The following CPED1 variants were observed in gnomAD, a reference collection of about 807,000 sequenced individuals.
The protein encoded by CPED1 is cadherin-like and PC-esterase domain-containing protein 1.
Under a neutral mutation model 128.2 loss-of-function variants are expected in CPED1, and 114 were observed. The observed-to-expected ratio is 0.89, with a 90% CI of 0.76 to 1.04. The LOEUF (loss-of-function observed/expected upper bound fraction) is 1.04. Among genes scored for constraint, CPED1 ranks in the 50% least tolerant of loss-of-function variants. The pLI is 0.00. For missense variants in CPED1, 1,211 were observed against 1,207.1 expected (o/e 1.00, Z -0.05); for synonymous variants, 462 against 426.7 (o/e 1.08, Z -1.02).
chr7:121,189,793 TATATAA>T (rs201904535), intron 16 of CPED1, among the ~76,000 whole-genome samples: 8,400 of 73,218 alleles, frequency 0.11, 690 homozygotes, highest in East Asian at 0.5. Context: ...TATATATATA[TATATAA>T]AATTTGTATT....
At chr7:121,225,986 C>G (rs1798000074) in intron 16 of CPED1, among the ~76,000 whole-genome samples, 2 of 152,070 alleles carry the variant, frequency 1.3e-5, no homozygotes, top group Non-Finnish European at 2.9e-5. Context: ...TCTGTCAACT[C>G]ATTAAAGTCA....
chr7:121,007,231 A>ATTTTTTTTTT (rs398006038), intron 2 of CPED1, among the ~76,000 whole-genome samples: 7 of 129,824 alleles, frequency 5.4e-5, no homozygotes, highest in Non-Finnish European at 8.0e-5. Context: ...TTCAGGTTGC[A>ATTTTTTTTTT]TTTTTTTTTT....
At chr7:121,010,239 A>T (rs1372581668) in intron 2 of CPED1, among the ~76,000 whole-genome samples, 3 of 152,028 alleles carry the variant, frequency 2.0e-5, no homozygotes, top group African/African-American at 7.2e-5. Flanking sequence ...TCTATTGGGA[A>T]TACATTTTTT....
intron 16 of CPED1, among the ~76,000 whole-genome samples, chr7:121,231,499 G>T (rs974132690): frequency 3.3e-4 from 50 of 152,180 alleles, no homozygotes; most frequent in African/African-American, 1.2e-3. Flanking sequence ...TTCCAACTAG[G>T]ATAATAGAAC....
chr7:121,184,683 G>C (rs1796966337), intron 16 of CPED1, among the ~76,000 whole-genome samples: 1 of 152,108 alleles, frequency 6.6e-6, no homozygotes, highest in Non-Finnish European at 1.5e-5. Flanking sequence ...AATAAAAATA[G>C]AGTAAGAACT....
At chr7:121,137,864 C>T (rs1795818106) in intron 14 of CPED1, among the ~76,000 whole-genome samples, 1 of 152,014 alleles carries the variant, frequency 6.6e-6, no homozygotes. Context: ...CTGTGCCAGG[C>T]CCAAGGCAAG....
chr7:121,232,071 A>G (rs1027399192), intron 16 of CPED1, among the ~76,000 whole-genome samples: 2 of 152,092 alleles, frequency 1.3e-5, no homozygotes, highest in Non-Finnish European at 2.9e-5. Context: ...GGGTAACACA[A>G]TGGAATAATG....
chr7:120,994,886 G>A (rs1390463586), intron 2 of CPED1, among the ~76,000 whole-genome samples: 1 of 152,130 alleles, frequency 6.6e-6, no homozygotes, highest in Non-Finnish European at 1.5e-5. Flanking sequence ...TAGAATTGAA[G>A]GCAGGAAGAC....
intron 16 of CPED1, among the ~76,000 whole-genome samples, chr7:121,217,693 A>G (rs1404268): frequency 0.59 from 89,613 of 151,882 alleles, 27,123 homozygotes; most frequent in East Asian, 0.88. Flanking sequence ...AGTTAACACA[A>G]TGATTCATTC....
chr7:121,006,264 T>A (rs1792012537), intron 2 of CPED1, among the ~76,000 whole-genome samples: 1 of 152,090 alleles, frequency 6.6e-6, no homozygotes, highest in Non-Finnish European at 1.5e-5. Flanking sequence ...GTCCTCTGCT[T>A]GTTATTTCAT....
chr7:121,238,583 CACTT>C (rs1044684248), intron 17 of CPED1, among the ~76,000 whole-genome samples: 14 of 152,062 alleles, frequency 9.2e-5, no homozygotes, highest in Non-Finnish European at 1.6e-4. Flanking sequence ...ACATGTTTCT[CACTT>C]AGTCTCCAAA....
At chr7:121,280,451 G>A (rs1792440342) in intron 22 of CPED1, among the ~76,000 whole-genome samples, 1 of 152,182 alleles carries the variant, frequency 6.6e-6, no homozygotes, top group Non-Finnish European at 1.5e-5. Context: ...AAGGGCAGGA[G>A]TTACAAAGCC....
At chr7:121,214,799 C>T (rs542012452) in intron 16 of CPED1, among the ~76,000 whole-genome samples, 73 of 152,130 alleles carry the variant, frequency 4.8e-4, no homozygotes, top group Non-Finnish European at 9.3e-4. Context: ...AAAGCATTAG[C>T]ATTTCTGAGC....
intron 16 of CPED1, among the ~76,000 whole-genome samples, chr7:121,144,067 G>C (rs1216462275): frequency 6.6e-6 from 1 of 152,040 alleles, no homozygotes; most frequent in Non-Finnish European, 1.5e-5. Flanking sequence ...GGAGAAAAGA[G>C]AACCCTTGTA....
At chr7:121,196,743 G>A (rs778533095) in intron 16 of CPED1, among the ~76,000 whole-genome samples, 9 of 151,912 alleles carry the variant, frequency 5.9e-5, no homozygotes, top group Non-Finnish European at 7.4e-5. Context: ...TCAGTTCCCC[G>A]TGCTACCGTA....
chr7:121,174,692 C>T (rs1222862494), intron 16 of CPED1, among the ~76,000 whole-genome samples: 1 of 151,798 alleles, frequency 6.6e-6, no homozygotes, highest in East Asian at 1.9e-4. Flanking sequence ...CTTAGAATTA[C>T]CTTGGTTATT....
intron 2 of CPED1, chr7:120,993,845 ACCTGATCT>A (rs1265653982): frequency 5.5e-6 from 1 of 182,112 alleles, no homozygotes; most frequent in African/African-American, 2.4e-5. Flanking sequence ...GCAATTTATC[ACCTGATCT>A]CCTCTCCTGC....
intron 5 of CPED1, 62 bp downstream of exon 5, chr7:121,064,375 A>T: frequency 8.8e-7 from 1 of 1,136,216 alleles, no homozygotes; most frequent in Non-Finnish European, 1.3e-6. Flanking sequence ...CCTTAGCAGA[A>T]GCAGCTAACA....
intron 2 of CPED1, among the ~76,000 whole-genome samples, chr7:121,010,689 A>G (rs959906386): frequency 1.3e-5 from 2 of 152,206 alleles, no homozygotes; most frequent in African/African-American, 4.8e-5. Flanking sequence ...GTACAGTCAG[A>G]AGATGCTCAG....
Sources: allele counts gnomAD v4.1 joint callset (sites outside exome capture counted in the v4.1 genomes callset), GRCh38; gene constraint gnomAD v4.1.1; transcripts MANE v1.5; gene names NCBI Gene and HGNC (gene_info 2026-07-23, HGNC 2026-07-21).